Variants in OGA observed in about 807,000 individuals in gnomAD.
The protein encoded by OGA is O-GlcNAcase, also known as protein O-GlcNAcase.
A neutral mutation model predicts 102.0 loss-of-function variants in OGA; 21 were observed. That is an observed-to-expected ratio of 0.21 (90% CI 0.15 to 0.30). OGA has a LOEUF of 0.30. Among genes scored for constraint, OGA ranks in the 10% least tolerant of loss-of-function variants. The pLI is 1.00. For missense variants in OGA, 765 were observed against 1,107.8 expected, an observed-to-expected ratio of 0.69 and a Z score of 4.39; for synonymous variants, 408 against 378.2, an observed-to-expected ratio of 1.08 and a Z score of -0.91.
Position 101,818,238 on chromosome 10 carries a change from G to C in OGA, c.-216C>G. 7.5e-7 allele frequency: 1 copy of C among 1,338,058 alleles called. No homozygotes were observed. The highest frequency in any genetic ancestry group is 9.5e-7 in the Non-Finnish European group (1 of 1,047,892). 82.9% of individuals were successfully genotyped at this position (1,338,058 alleles called of 1,614,324 possible). A position where few individuals can be genotyped will look rare whatever the true frequency, so the allele number is the denominator to read the frequency against. ...CGGCGCGAGCCCTTTGTCAGCCGCA[G>C]CCTCGGCTTTAAGCTGGGGCGCCAG... is the stretch of plus-strand genomic sequence containing the variant. On this transcript the variant is annotated 5_prime_UTR_variant, in exon 1 of 16. Coordinates refer to ENST00000361464, the MANE Select transcript of OGA (RefSeq NM_012215.5).
chr10:101,809,601 C>T (rs945959993), intron 4 of OGA, among the ~76,000 whole-genome samples: 1 of 150,632 alleles, frequency 6.6e-6, no homozygotes, highest in East Asian at 1.9e-4. Context: ...GTAACAGCTA[C>T]TCAGGAGGCT....
chr10:101,801,778 C>G (rs961093611), intron 7 of OGA, among the ~76,000 whole-genome samples: 3 of 152,182 alleles, frequency 2.0e-5, no homozygotes. Flanking sequence ...AAACAGATGA[C>G]AACTATTAAT....
chr10:101,803,646 T>C (rs985831057), intron 7 of OGA, 89 bp downstream of exon 7: 3 of 1,290,420 alleles, frequency 2.3e-6, no homozygotes, highest in South Asian at 1.4e-5. Flanking sequence ...CTGTTTAAGT[T>C]GTGATGACAA....
At chr10:101,805,023 A>T (rs537589148) in intron 6 of OGA, among the ~76,000 whole-genome samples, 1 of 152,010 alleles carries the variant, frequency 6.6e-6, no homozygotes, top group East Asian at 1.9e-4. Context: ...ATTCCCTATA[A>T]ATCTTTATTA....
intron 1 of OGA, among the ~76,000 whole-genome samples, chr10:101,815,705 T>TA (rs1345666189): frequency 6.6e-6 from 1 of 151,694 alleles, no homozygotes; most frequent in East Asian, 1.9e-4. Flanking sequence ...TGCTCCAATA[T>TA]AAAAAAAGAC....
chr10:101,814,726 G>A (rs946793018), intron 1 of OGA, among the ~76,000 whole-genome samples: 33 of 152,158 alleles, frequency 2.2e-4, no homozygotes, highest in Admixed American at 1.6e-3. Context: ...GCAAAGATCT[G>A]AACAAATGAA....
At chr10:101,817,189 G>C (rs930202840) in intron 1 of OGA, among the ~76,000 whole-genome samples, 3 of 152,230 alleles carry the variant, frequency 2.0e-5, no homozygotes, top group African/African-American at 7.2e-5. Context: ...CGCTTCTGCG[G>C]TCACTAAATT....
chr10:101,793,272 T>A (rs984408414), intron 11 of OGA, among the ~76,000 whole-genome samples: 1 of 152,228 alleles, frequency 6.6e-6, no homozygotes, highest in Admixed American at 6.5e-5. Flanking sequence ...AGATAGACCA[T>A]CTCCCTACGA....
At chr10:101,788,661 G>C (rs2065220560) in intron 14 of OGA, among the ~76,000 whole-genome samples, 1 of 151,814 alleles carries the variant, frequency 6.6e-6, no homozygotes, top group Non-Finnish European at 1.5e-5. Flanking sequence ...CTTGAACCTG[G>C]GAGGCGGAGG....
chr10:101,811,808 T>C (rs1450689223), intron 3 of OGA, among the ~76,000 whole-genome samples: 3 of 152,240 alleles, frequency 2.0e-5, no homozygotes, highest in African/African-American at 4.8e-5. Context: ...AAATTATCAA[T>C]TGACAATTTT....
At position 101,785,035 on chromosome 10, in the gene OGA, T is replaced by A. The variant is rs1193332947; in HGVS notation, c.*1416A>T. The A allele has an allele frequency of 6.6e-6, 1 of 152,260 alleles. No individual in the cohort carries two copies. Among genetic ancestry groups the A allele is most frequent in the Non-Finnish European group, 1.5e-5 (1 of 68,042 alleles). The allele number at this position is 152,260 out of a possible 1,614,324, so 9.4% of individuals were successfully genotyped here. ...CTCAAAGCCCACAATGGTGGAGTTC[T>A]GTGAAAGAAAACTTAAGTTTCTTTC... On this transcript the variant is annotated 3_prime_UTR_variant, in exon 16 of 16. Transcript: ENST00000361464.
intron 14 of OGA, among the ~76,000 whole-genome samples, chr10:101,789,502 A>AAAAT (rs1330928700): frequency 6.6e-6 from 1 of 152,136 alleles, no homozygotes; most frequent in Admixed American, 6.5e-5. Flanking sequence ...CTGTCTCAAA[A>AAAAT]AAATAAATAA....
rs772318111 is a variant in OGA at position 101,792,893 on chromosome 10, T to C, written c.2121A>G (p.Pro707=). Residue 707 remains proline (P), a synonymous_variant, in exon 12 of 16, where the codon CCA becomes CCG. Coordinates refer to ENST00000361464, the MANE Select transcript of OGA (RefSeq NM_012215.5). ...TATAAACTTTGGAGGTAGGAGTCAG[T>C]GGAGGTGGCTGAAAAAAGAGATCAT... is the stretch of plus-strand genomic sequence containing the variant. The part of the protein sequence containing the change: ...GANDLFFQPP[P]LTPTSKVYTI... 6.2e-6 allele frequency: 10 copies of C among 1,613,748 alleles called. No homozygotes were observed. The highest frequency in any genetic ancestry group is 2.7e-5 in the African/African-American group (2 of 74,902).
chr10:101,795,048 G>A (rs776829407), intron 10 of OGA, among the ~76,000 whole-genome samples: 5 of 152,098 alleles, frequency 3.3e-5, no homozygotes, highest in Admixed American at 6.5e-5. Flanking sequence ...TTCAAGGGTA[G>A]GGGTACTTTT....
chr10:101,787,781 T>TC, intron 14 of OGA: 1 of 369,250 alleles, frequency 2.7e-6, no homozygotes, highest in East Asian at 4.6e-5. Flanking sequence ...TCTCTCTCTC[T>TC]TTCCCTATTT....
chr10:101,803,597 T>G (rs557237974), intron 7 of OGA, 138 bp downstream of exon 7: 1 of 920,084 alleles, frequency 1.1e-6, no homozygotes, highest in South Asian at 1.9e-5. Context: ...TGTTTCCTCC[T>G]TAGTAAAACA....
chr10:101,792,404 G>A (rs939391080), intron 12 of OGA, among the ~76,000 whole-genome samples: 1 of 152,176 alleles, frequency 6.6e-6, no homozygotes, highest in Non-Finnish European at 1.5e-5. Context: ...GCCTCCCAAA[G>A]TACTGGGATT....
rs1002992089 is a variant in OGA at position 101,818,384 on chromosome 10, C to T, written c.-362G>A. ...TAATCTTAGGTCTTCCGCTGTTTCCCCTCCAAGCCCCGAGCTCTCCCTCTG... is the reference window on the plus strand; with the variant it reads ...TAATCTTAGGTCTTCCGCTGTTTCCTCTCCAAGCCCCGAGCTCTCCCTCTG... On this transcript the variant is annotated 5_prime_UTR_variant, in exon 1 of 16. Transcript: ENST00000361464. The T allele has an allele frequency of 5.5e-5, 57 of 1,039,750 alleles. No homozygotes were observed. Among genetic ancestry groups the T allele is most frequent in the Non-Finnish European group, 5.9e-5 (51 of 864,334 alleles). 64.4% of individuals were successfully genotyped at this position (1,039,750 alleles called of 1,614,324 possible). A position where few individuals can be genotyped will look rare whatever the true frequency, so the allele number is the denominator to read the frequency against.
intron 2 of OGA, 40 bp from the exon 3 acceptor site, chr10:101,813,167 C>T: frequency 7.8e-7 from 1 of 1,276,672 alleles, no homozygotes; most frequent in East Asian, 2.3e-5. Context: ...AAACAGGCAA[C>T]ATTCATAGGC....
Sources: gnomAD v4.1 joint callset for allele counts (sites outside exome capture counted in the v4.1 genomes callset) on GRCh38, gnomAD v4.1.1 for gene constraint, MANE v1.5 for transcripts, NCBI Gene and HGNC (gene_info 2026-07-23, HGNC 2026-07-21) for gene names.